The following LRRC4C variants were observed in gnomAD, a reference collection of about 807,000 sequenced individuals.
LRRC4C encodes leucine rich repeat containing 4C.
LRRC4C carries 5 observed loss-of-function variants against 33.6 expected under a neutral mutation model. The observed-to-expected ratio is 0.15, with a 90% CI of 0.08 to 0.31. LRRC4C has a LOEUF of 0.31. Ranked by LOEUF, LRRC4C falls within the 10% of genes least tolerant of loss-of-function variation. The probability of loss-of-function intolerance (pLI) is 1.00; values close to 1 mark genes in which losing one functional copy is unlikely to be tolerated. For synonymous variants in LRRC4C, 329 were observed against 302.0 expected (o/e 1.09, Z -0.93); for missense variants, 560 against 796.7 (o/e 0.70, Z 3.58).
chr11:41,128,865 T>C (rs1390343161), intron 1 of LRRC4C, among the ~76,000 whole-genome samples: 1 of 152,014 alleles, frequency 6.6e-6, no homozygotes, highest in Non-Finnish European at 1.5e-5. Flanking sequence ...ACTTCATATA[T>C]CTATCTGTAC....
chr11:41,315,390 C>T (rs1305185660), intron 1 of LRRC4C, among the ~76,000 whole-genome samples: 1 of 152,162 alleles, frequency 6.6e-6, no homozygotes, highest in Admixed American at 6.5e-5. Context: ...TCATAAAAGA[C>T]ATTGCAACTT....
At chr11:40,202,239 GAGGGATTCCACACT>G (rs1270538764) in intron 5 of LRRC4C, among the ~76,000 whole-genome samples, 2 of 131,352 alleles carry the variant, frequency 1.5e-5, no homozygotes, top group East Asian at 4.5e-4. Flanking sequence ...AAAAAAAAAA[GAGGGATTCCACACT>G]TGGCTGGCCA....
intron 5 of LRRC4C, among the ~76,000 whole-genome samples, chr11:40,160,346 A>T (rs1859054434): frequency 6.6e-6 from 1 of 152,038 alleles, no homozygotes; most frequent in Non-Finnish European, 1.5e-5. Flanking sequence ...CTCCAAGGGG[A>T]AGGAGAATTG....
chr11:41,136,318 G>A (rs1943259023), intron 1 of LRRC4C, among the ~76,000 whole-genome samples: 1 of 152,064 alleles, frequency 6.6e-6, no homozygotes, highest in African/African-American at 2.4e-5. Flanking sequence ...CCAGGCAAAG[G>A]AAACAATATG....
intron 4 of LRRC4C, among the ~76,000 whole-genome samples, chr11:40,313,851 G>A (rs1945446092): frequency 6.6e-6 from 1 of 151,838 alleles, no homozygotes; most frequent in Admixed American, 6.6e-5. Flanking sequence ...TTGACCTCGT[G>A]ATCCGCCTGC....
intron 3 of LRRC4C, among the ~76,000 whole-genome samples, chr11:40,379,330 C>T (rs879865047): frequency 1.4e-4 from 22 of 152,070 alleles, no homozygotes; most frequent in East Asian, 3.9e-4. Context: ...AATTAGGCTT[C>T]GTCTAGGCCC....
chr11:41,327,022 C>CGA (rs1951142530), intron 1 of LRRC4C, among the ~76,000 whole-genome samples: 1 of 151,996 alleles, frequency 6.6e-6, no homozygotes, highest in Non-Finnish European at 1.5e-5. Flanking sequence ...ATTGATGAGC[C>CGA]GAGTCCAGTA....
chr11:41,337,610 T>C (rs916287908), intron 1 of LRRC4C, among the ~76,000 whole-genome samples: 8 of 152,048 alleles, frequency 5.3e-5, no homozygotes, highest in Non-Finnish European at 1.2e-4. Flanking sequence ...GCAATACCAT[T>C]CAGGACATAG....
At chr11:40,130,602 T>C (rs1010721527) in intron 6 of LRRC4C, among the ~76,000 whole-genome samples, 2 of 152,168 alleles carry the variant, frequency 1.3e-5, no homozygotes, top group African/African-American at 4.8e-5. Context: ...ACCCACTAGA[T>C]GCCAGTAGCA....
chr11:40,401,167 T>TA (rs5791377), intron 3 of LRRC4C, among the ~76,000 whole-genome samples: 56,646 of 150,566 alleles, frequency 0.38, 10,941 homozygotes, highest in South Asian at 0.47. Context: ...GCTTAATTAT[T>TA]AAAAAAAAAA....
At chr11:40,539,429 T>A (rs969709090) in intron 3 of LRRC4C, among the ~76,000 whole-genome samples, 3 of 152,150 alleles carry the variant, frequency 2.0e-5, no homozygotes, top group African/African-American at 7.2e-5. Context: ...TATCTGTATA[T>A]CTTCAGAGTC....
intron 1 of LRRC4C, among the ~76,000 whole-genome samples, chr11:41,258,916 T>C (rs2136708745): frequency 6.6e-6 from 1 of 152,110 alleles, no homozygotes; most frequent in South Asian, 2.1e-4. Flanking sequence ...GTACAAATAA[T>C]CTAAAAATAA....
chr11:41,186,297 TA>T (rs1341186452), intron 1 of LRRC4C, among the ~76,000 whole-genome samples: 1 of 152,186 alleles, frequency 6.6e-6, no homozygotes, highest in Non-Finnish European at 1.5e-5. Context: ...GAGAAGTGGT[TA>T]AGTATATTGA....
chr11:41,155,839 T>A (rs1201319070), intron 1 of LRRC4C, among the ~76,000 whole-genome samples: 2 of 152,130 alleles, frequency 1.3e-5, no homozygotes, highest in Non-Finnish European at 2.9e-5. Context: ...TTAAACATTT[T>A]ATAGCTTTCA....
At chr11:41,252,413 C>T (rs1370303297) in intron 1 of LRRC4C, among the ~76,000 whole-genome samples, 1 of 151,922 alleles carries the variant, frequency 6.6e-6, no homozygotes, top group African/African-American at 2.4e-5. Context: ...ATTTACAGCC[C>T]AAAGGAGTAG....
chr11:41,153,552 G>A (rs1004376166), intron 1 of LRRC4C, among the ~76,000 whole-genome samples: 3 of 152,148 alleles, frequency 2.0e-5, no homozygotes, highest in Non-Finnish European at 1.5e-5. Context: ...TTTCTAGGAG[G>A]CAAAGATGTT....
chr11:41,032,252 A>G (rs1484025974), intron 1 of LRRC4C, among the ~76,000 whole-genome samples: 1 of 152,058 alleles, frequency 6.6e-6, no homozygotes, highest in Non-Finnish European at 1.5e-5. Flanking sequence ...TTATTGAGTC[A>G]AGAGTATTTG....
intron 5 of LRRC4C, among the ~76,000 whole-genome samples, chr11:40,222,964 C>T (rs988542104): frequency 2.0e-5 from 3 of 152,062 alleles, no homozygotes; most frequent in Non-Finnish European, 2.9e-5. Context: ...AGTGGCCAAG[C>T]ATTAAGCTCA....
intron 2 of LRRC4C, among the ~76,000 whole-genome samples, chr11:40,752,894 A>G (rs1050110241): frequency 4.6e-5 from 7 of 152,164 alleles, no homozygotes; most frequent in African/African-American, 1.7e-4. Flanking sequence ...GGATAAATGT[A>G]TAAAGAAAAT....
Sources: allele counts gnomAD v4.1 joint callset (sites outside exome capture counted in the v4.1 genomes callset), GRCh38; gene constraint gnomAD v4.1.1; transcripts MANE v1.5; gene names NCBI Gene and HGNC (gene_info 2026-07-23, HGNC 2026-07-21).